CCDC73: variants seen among roughly 807,000 people sequenced by gnomAD.
The protein encoded by CCDC73 is coiled-coil domain containing 73, also known as coiled-coil domain-containing protein 73.
In CCDC73, 95 loss-of-function variants were observed where a neutral mutation model predicts 116.5. The observed-to-expected ratio is 0.82, with a 90% CI of 0.69 to 0.97. CCDC73 has a LOEUF of 0.97. Among genes scored for constraint, CCDC73 ranks in the 50% least tolerant of loss-of-function variants. CCDC73 has a pLI of 0.00. For missense variants in CCDC73, 1,066 were observed against 1,206.8 expected (o/e 0.88, Z 1.73); for synonymous variants, 398 against 401.3 (o/e 0.99, Z 0.10).
At chr11:32,672,940 T>C (rs953836473) in intron 9 of CCDC73, among the ~76,000 whole-genome samples, 2 of 152,154 alleles carry the variant, frequency 1.3e-5, no homozygotes, top group South Asian at 2.1e-4. Context: ...AACCAATTTA[T>C]TGGCAGTTGT....
At chr11:32,761,487 C>G (rs1234636987) in intron 1 of CCDC73, among the ~76,000 whole-genome samples, 5 of 152,036 alleles carry the variant, frequency 3.3e-5, no homozygotes, top group Non-Finnish European at 7.4e-5. Flanking sequence ...AATATTGAGT[C>G]CATTTTTAGT....
chr11:32,661,342 G>A (rs751125407), intron 9 of CCDC73, among the ~76,000 whole-genome samples: 19 of 152,014 alleles, frequency 1.2e-4, no homozygotes, highest in Non-Finnish European at 2.6e-4. Context: ...TGGTACATGT[G>A]GACAACGTGC....
rs373510546 is a variant in CCDC73, at chr11:32,615,991, C to A, written c.1324G>T (p.Glu442Ter). Residue 442 changes from glutamate (E) to a stop codon, truncating the protein, a stop_gained, in exon 15 of 18, where the codon GAA becomes TAA. Transcript: ENST00000335185. LOFTEE classifies it high-confidence loss of function. ...GAGCCTTCTTTTTTTTCTTCTTTTT[C>A]TCTGTATTCAGTATCTGAACAAAAA... ...ENFCSDTEYR[E>*]KEEKKEGSFI... 3.8e-5 allele frequency: 60 copies of A among 1,591,524 alleles called. No homozygotes were observed. The highest frequency in any genetic ancestry group is 5.1e-5 in the Non-Finnish European group (59 of 1,167,258).
chr11:32,688,628 T>C (rs1469416466), intron 6 of CCDC73, among the ~76,000 whole-genome samples: 1 of 152,216 alleles, frequency 6.6e-6, no homozygotes, highest in Non-Finnish European at 1.5e-5. Flanking sequence ...AAGAATGATA[T>C]ACTATGGTAA....
intron 2 of CCDC73, among the ~76,000 whole-genome samples, chr11:32,723,707 A>G (rs1361880832): frequency 1.3e-5 from 2 of 152,148 alleles, no homozygotes; most frequent in Non-Finnish European, 2.9e-5. Context: ...AAACCATCAA[A>G]TTACTCCTCT....
At chr11:32,776,446 C>A (rs1486534720) in intron 1 of CCDC73, among the ~76,000 whole-genome samples, 1 of 152,106 alleles carries the variant, frequency 6.6e-6, no homozygotes, top group Non-Finnish European at 1.5e-5. Context: ...CCCTTTTCAA[C>A]TTTAATCTTC....
rs1333266765 is a variant in CCDC73, at chr11:32,611,262, G to C, written c.2900C>G (p.Thr967Ser). The change falls in exon 17 of 18, where the codon ACT becomes AGT. Residue 967 changes from threonine (T) to serine (S), a missense_variant. Physicochemically the swap from Thr to Ser is moderately conservative, Grantham distance 58 (BLOSUM62 1). Transcript: ENST00000335185. ...GTCAGCAACTCTGTTAATGCTGGTA[G>C]TATCTGATTGATAAAGAGGAAATGG... ...DDVGKDIGPDTTSINRVADTL... is the reference protein window; with the variant it reads ...DDVGKDIGPDSTSINRVADTL... 6.2e-6 allele frequency: 10 copies of C among 1,611,038 alleles called. No homozygotes were observed. The highest frequency in any genetic ancestry group is 8.5e-6 in the Non-Finnish European group (10 of 1,178,854).
At chr11:32,746,975 G>A (rs1236858317) in intron 2 of CCDC73, among the ~76,000 whole-genome samples, 4 of 152,166 alleles carry the variant, frequency 2.6e-5, no homozygotes, top group African/African-American at 7.2e-5. Context: ...TTGCTGGCGA[G>A]GAGTTGTGTT....
At chr11:32,738,003 G>A (rs1268648732) in intron 2 of CCDC73, among the ~76,000 whole-genome samples, 2 of 152,080 alleles carry the variant, frequency 1.3e-5, no homozygotes, top group African/African-American at 2.4e-5. Context: ...AGTTCCATCC[G>A]TGTTGTTGCA....
chr11:32,725,321 T>G (rs535024611), intron 2 of CCDC73, among the ~76,000 whole-genome samples: 3 of 152,300 alleles, frequency 2.0e-5, no homozygotes, highest in Admixed American at 2.0e-4. Context: ...TGTTAACTTC[T>G]TATATACGTA....
At chr11:32,606,937 C>T (rs1348128476) in intron 17 of CCDC73, among the ~76,000 whole-genome samples, 2 of 150,766 alleles carry the variant, frequency 1.3e-5, no homozygotes, top group African/African-American at 2.4e-5. Context: ...CCACCACACC[C>T]GGACAGTTTT....
At chr11:32,824,983 G>T in the CCDC73 span, among the ~76,000 whole-genome samples, 2 of 152,288 alleles carry the variant, frequency 1.3e-5, no homozygotes, top group East Asian at 3.9e-4. Context: ...TACTCTGAAG[G>T]CTGAGGCAGA....
intron 16 of CCDC73, among the ~76,000 whole-genome samples, chr11:32,612,812 T>C (rs1413207038): frequency 1.3e-5 from 2 of 152,050 alleles, no homozygotes; most frequent in Non-Finnish European, 2.9e-5. Flanking sequence ...CCCATCAATA[T>C]TAAGTCATAT....
chr11:32,698,804 A>G (rs557762630), intron 6 of CCDC73, among the ~76,000 whole-genome samples: 1 of 152,318 alleles, frequency 6.6e-6, no homozygotes, highest in Admixed American at 6.5e-5. Context: ...ATCATTAGTT[A>G]AATACTTCTG....
intron 1 of CCDC73, among the ~76,000 whole-genome samples, chr11:32,789,492 T>G (rs1359422494): frequency 6.6e-6 from 1 of 152,078 alleles, no homozygotes; most frequent in African/African-American, 2.4e-5. Flanking sequence ...ACACCCAGGC[T>G]GGGGTTGTTG....
At chr11:32,757,657 A>G (rs753835122) in intron 2 of CCDC73, among the ~76,000 whole-genome samples, 5 of 152,112 alleles carry the variant, frequency 3.3e-5, no homozygotes, top group Non-Finnish European at 7.4e-5. Context: ...TTCCACTTAC[A>G]TATGCTCCTT....
At chr11:32,678,882 C>CAAAA (rs55859897) in intron 7 of CCDC73, among the ~76,000 whole-genome samples, 2 of 131,256 alleles carry the variant, frequency 1.5e-5, no homozygotes, top group Non-Finnish European at 1.6e-5. Context: ...GGCTCCGTCA[C>CAAAA]AAAAAAAAAA....
At chr11:32,738,503 T>G (rs1850155506) in intron 2 of CCDC73, among the ~76,000 whole-genome samples, 1 of 152,202 alleles carries the variant, frequency 6.6e-6, no homozygotes, top group African/African-American at 2.4e-5. Context: ...GTATGCCTTC[T>G]TTTGAGAAAT....
the CCDC73 span, among the ~76,000 whole-genome samples, chr11:32,819,306 A>G: frequency 6.6e-6 from 1 of 152,128 alleles, no homozygotes; most frequent in Non-Finnish European, 1.5e-5. Flanking sequence ...TTTCTGTAGA[A>G]ATTCCAAGAA....
Sources: gnomAD v4.1 joint callset for allele counts (sites outside exome capture counted in the v4.1 genomes callset) on GRCh38, gnomAD v4.1.1 for gene constraint, MANE v1.5 for transcripts, NCBI Gene and HGNC (gene_info 2026-07-23, HGNC 2026-07-21) for gene names.